HSP90AA1: variants seen among roughly 807,000 people sequenced by gnomAD.
HSP90AA1 encodes heat shock protein HSP 90-alpha.
HSP90AA1 carries 18 observed loss-of-function variants against 73.3 expected under a neutral mutation model. The ratio of observed to expected loss-of-function variants is 0.25; its 90% CI spans 0.17 to 0.36. The LOEUF is 0.36. HSP90AA1 is among the 10% of genes least tolerant of loss of function. The pLI, the probability that HSP90AA1 is intolerant of heterozygous loss-of-function variation, is 1.00. For missense variants in HSP90AA1, 704 were observed against 874.2 expected (o/e 0.81, Z 2.45); for synonymous variants, 477 against 296.9 (o/e 1.61, Z -6.24).
At position 102,087,014 on chromosome 14, in the gene HSP90AA1, G is replaced by A. The variant is rs1002875871; in HGVS notation, c.-29C>T. ...GGCTAAGTGACCGCACAGGACCAAC[G>A]GCACAGCCACACCGGGACGCTGAAG... On this transcript the variant is annotated 5_prime_UTR_variant, in exon 1 of 11. Transcript: ENST00000216281. 98 of 985,228 alleles carry A rather than the reference G, an allele frequency of 9.9e-5. No individual in the cohort carries two copies. Among genetic ancestry groups the A allele is most frequent in the African/African-American group, 6.3e-4 (36 of 57,216 alleles). The allele number at this position is 985,228 out of a possible 1,614,324, so 61.0% of individuals were successfully genotyped here. A position where few individuals can be genotyped will look rare whatever the true frequency, so the allele number is the denominator to read the frequency against.
intron 1 of HSP90AA1, among the ~76,000 whole-genome samples, chr14:102,104,517 C>T (rs562030195): frequency 2.6e-5 from 4 of 151,998 alleles, no homozygotes; most frequent in East Asian, 1.9e-4. Flanking sequence ...CCGGCCTACA[C>T]GTGATATTTT....
Position 102,084,942 on chromosome 14 carries a change from G to C in HSP90AA1, c.720C>G (p.Asp240Glu), listed in dbSNP as rs1008574103. 6.3e-7 allele frequency: 1 copy of C among 1,592,190 alleles called. No homozygotes were observed. Among genetic ancestry groups the C allele is most frequent in the African/African-American group, 1.4e-5 (1 of 73,732 alleles). The change falls in exon 5 of 11, where the codon GAC becomes GAG. Residue 240 changes from aspartate to glutamate, a missense_variant. By Grantham distance (45) the Asp-to-Glu change is conservative. Transcript: ENST00000216281. The stretch of plus-strand genomic sequence containing the variant: ...CTTCTTTTTCTTTTTCTTCTTCTTT[G>C]TCTTCCTTTTCTTCAGCCTCATCAT... ...VSDDEAEEKE[D>E]KEEEKEKEEK... is the part of the protein sequence containing the mutation.
At position 102,086,983 on chromosome 14, in the gene HSP90AA1, C is replaced by A; in HGVS notation, c.-1+3G>T. 4.1e-6 allele frequency: 4 copies of A among 985,344 alleles called. No individual in the cohort carries two copies. The highest frequency in any genetic ancestry group is 3.6e-6 in the Non-Finnish European group (3 of 830,148). 61.0% of individuals were successfully genotyped at this position (985,344 alleles called of 1,614,324 possible). A position where few individuals can be genotyped will look rare whatever the true frequency, so the allele number is the denominator to read the frequency against. On this transcript the variant is annotated splice_donor_region_variant and intron_variant, in intron 1 of 10. Transcript: ENST00000216281. ...TCCACAGGCCCCCACAACCACCCGT[C>A]ACCTTGGCTAAGTGACCGCACAGGA...
chr14:102,117,495 G>A (rs1023867012), intron 1 of HSP90AA1, among the ~76,000 whole-genome samples: 12 of 151,146 alleles, frequency 7.9e-5, no homozygotes, highest in African/African-American at 2.9e-4. Flanking sequence ...CACGCTAGGA[G>A]CTAAACACTC....
exon 1 of HSP90AA1, chr14:102,139,379 C>A (rs1280972193): frequency 5.7e-6 from 9 of 1,585,644 alleles, no homozygotes; most frequent in Non-Finnish European, 6.9e-6. Context: ...AGGGGTGGAG[C>A]CGTCCCCGCC....
chr14:102,086,724 GGCCGCTCTGTTCGCGTGCGGC>G (rs2049248444), intron 1 of HSP90AA1, among the ~76,000 whole-genome samples: 1 of 150,786 alleles, frequency 6.6e-6, no homozygotes. Context: ...CCCGCGGCGG[GGCCGCTCTGTTCGCGTGCGGC>G]GCCAGCTCTG....
Position 102,083,619 on chromosome 14 carries a change from A to G in HSP90AA1, c.1413T>C (p.Gly471=). 6.2e-7 allele frequency: 1 copy of G among 1,612,570 alleles called. No homozygotes were observed. ...AGTCCTTGAGAGAAACCATCTCATCACCAGAGGCAGATGTGTAGTACCTTA... is the reference window on the plus strand; with the variant it reads ...AGTCCTTGAGAGAAACCATCTCATCGCCAGAGGCAGATGTGTAGTACCTTA... ...ELLRYYTSAS[G]DEMVSLKDYC... is the part of the protein sequence containing the mutation. The change falls in exon 8 of 11, where the codon GGT becomes GGC. Residue 471 remains glycine, a synonymous_variant. Transcript: ENST00000216281.
intron 1 of HSP90AA1, among the ~76,000 whole-genome samples, chr14:102,138,214 T>G (rs930790537): frequency 1.5e-4 from 1 of 6,524 alleles, no homozygotes. Context: ...CTCGCTGGGT[T>G]TTTTTCCCCC....
intron 1 of HSP90AA1, among the ~76,000 whole-genome samples, chr14:102,132,093 G>A (rs1164821191): frequency 2.0e-5 from 3 of 152,148 alleles, no homozygotes; most frequent in Non-Finnish European, 4.4e-5. Flanking sequence ...AAATGGCCGG[G>A]TATGGCGGCT....
chr14:102,100,931 G>T (rs1244458729), intron 2 of HSP90AA1, among the ~76,000 whole-genome samples: 1 of 152,126 alleles, frequency 6.6e-6, no homozygotes, highest in Non-Finnish European at 1.5e-5. Flanking sequence ...ATGGCGGGAC[G>T]GGCTCTAATG....
At chr14:102,082,675 C>T (rs1261718492) in intron 9 of HSP90AA1, 2 of 554,772 alleles carry the variant, frequency 3.6e-6, no homozygotes, top group Non-Finnish European at 6.4e-6. Context: ...GGCTGGAGTG[C>T]AGTGGTGCGA....
chr14:102,085,735 C>A lies in HSP90AA1; in HGVS notation c.529+23G>T, dbSNP rs1284531500. 2.5e-6 allele frequency: 4 copies of A among 1,613,782 alleles called. No homozygotes were observed. In the African/African-American group the frequency reaches 5.3e-5, roughly 22 times the overall value. On this transcript the variant is annotated intron_variant, in intron 3 of 10. Transcript: ENST00000216281. ...CCCCACCCTTCCACCGCTCACTTAACCAGTGAATGTTCAGGTGCCTACCTG... is the reference window on the plus strand; with the variant it reads ...CCCCACCCTTCCACCGCTCACTTAAACAGTGAATGTTCAGGTGCCTACCTG...
chr14:102,085,294 T>A lies in HSP90AA1; in HGVS notation c.663+4A>T. ...ATTCACTCTGCAATTACATAAAAAC[T>A]TACAAAAAGAGTAATGGGATATCCA... On this transcript the variant is annotated splice_donor_region_variant and intron_variant, in intron 4 of 10. Transcript: ENST00000216281. 6.2e-7 allele frequency: 1 copy of A among 1,610,978 alleles called. No homozygotes were observed. The highest frequency in any genetic ancestry group is 2.2e-5 in the East Asian group (1 of 44,864).
rs550882326 is a variant in HSP90AA1, at chr14:102,130,599, T to C, written c.155+8651A>G. Among the ~76,000 whole-genome samples, 26 of 152,338 alleles carry C rather than the reference T, an allele frequency of 1.7e-4. 1 individual carries two copies. In the South Asian group the frequency reaches 2.7e-3, roughly 16 times the overall value. On this transcript the variant is annotated intron_variant, in intron 1 of 11. Transcript: ENST00000334701. The stretch of plus-strand genomic sequence containing the variant: ...TTGTGTAACTTTGCAGAAATGTCTA[T>C]TCAGATCCTTTGTCCATTCTCTTTT...
chr14:102,115,784 A>T (rs1292465730), intron 1 of HSP90AA1, among the ~76,000 whole-genome samples: 1 of 151,998 alleles, frequency 6.6e-6, no homozygotes, highest in African/African-American at 2.4e-5. Flanking sequence ...TTCTAAAAAA[A>T]ATTTTTTAGA....
At chr14:102,086,617 T>TC (rs1308992752) in intron 1 of HSP90AA1, among the ~76,000 whole-genome samples, 1 of 150,804 alleles carries the variant, frequency 6.6e-6, no homozygotes, top group Non-Finnish European at 1.5e-5. Context: ...CCCGCCGCGG[T>TC]CCCCAACGAA....
rs567809524 is a variant in HSP90AA1 at position 102,125,208 on chromosome 14, G to A, written c.155+14042C>T. On this transcript the variant is annotated intron_variant, in intron 1 of 11. Transcript: ENST00000334701. ...GGGGGCTCCTTGTGTTGCCTAGGCT[G>A]GTCTCCAACTCCTGGGCTGAAGTGA... Among the ~76,000 whole-genome samples, 4 of 152,094 alleles carry A rather than the reference G, an allele frequency of 2.6e-5. No individual in the cohort carries two copies. In the South Asian group the frequency reaches 8.3e-4, roughly 32 times the overall value.
chr14:102,084,653 A>G, intron 5 of HSP90AA1, 28 bp downstream of exon 5: 1 of 1,614,016 alleles, frequency 6.2e-7, no homozygotes, highest in South Asian at 1.1e-5. Context: ...ATCTAAGGAC[A>G]AGCTTGAAGC....
intron 1 of HSP90AA1, among the ~76,000 whole-genome samples, chr14:102,118,436 G>C (rs1005706709): frequency 1.3e-4 from 20 of 151,206 alleles, no homozygotes; most frequent in Admixed American, 1.3e-3. Flanking sequence ...ATTGAGATGG[G>C]GTCTATGTTG....
Sources: gnomAD v4.1 joint callset for allele counts (sites outside exome capture counted in the v4.1 genomes callset) on GRCh38, gnomAD v4.1.1 for gene constraint, MANE v1.5 for transcripts, NCBI Gene and HGNC (gene_info 2026-07-23, HGNC 2026-07-21) for gene names.